SERF2: variants seen among roughly 807,000 people sequenced by gnomAD.
The protein encoded by SERF2 is gastric cancer-related protein VRG107.
Under a neutral mutation model 10.7 loss-of-function variants are expected in SERF2, and 4 were observed. The ratio of observed to expected loss-of-function variants is 0.37; its 90% confidence interval spans 0.18 to 0.86. SERF2 has a LOEUF of 0.86. SERF2 is among the 40% of genes least tolerant of loss of function. The pLI, the probability that SERF2 is intolerant of heterozygous loss-of-function variation, is 0.43. For missense variants in SERF2, 47 were observed against 79.1 expected, an observed-to-expected ratio of 0.59 and a Z score of 1.54; for synonymous variants, 26 against 26.0, an observed-to-expected ratio of 1.00 and a Z score of 0.01.
upstream of SERF2, chr15:43,792,231 T>C: frequency 1.3e-6 from 1 of 741,674 alleles, no homozygotes; most frequent in Non-Finnish European, 2.4e-6. Flanking sequence ...ACGTGCTTTT[T>C]CTTGTCCAAT....
Position 43,795,541 on chromosome 15 carries a change from C to T in SERF2, c.*1768C>T, listed in dbSNP as rs1442091322. 4 of 1,614,136 alleles carry T rather than the reference C, an allele frequency of 2.5e-6. No individual in the cohort carries two copies. Among genetic ancestry groups the T allele is most frequent in the South Asian group, 1.1e-5 (1 of 91,074 alleles). On this transcript the variant is annotated 3_prime_UTR_variant, in exon 3 of 3. Coordinates refer to ENST00000249786, the MANE Select transcript of SERF2 (RefSeq NM_001018108.4). ...TGGCCTCGCAGCCCCACCCCTTTGC[C>T]CTGGAGAGAGGAAATGGCTGCTGGG...
chr15:43,790,825 G>A (rs188753876), upstream of SERF2, among the ~76,000 whole-genome samples: 1 of 149,390 alleles, frequency 6.7e-6, no homozygotes, highest in Non-Finnish European at 1.5e-5. Context: ...GGGCAGTGGC[G>A]TGATCTCGGC....
At chr15:43,793,600 T>C (rs1253946996) in intron 2 of SERF2, 110 bp from the exon 3 acceptor site, 4 of 1,593,800 alleles carry the variant, frequency 2.5e-6, no homozygotes, top group South Asian at 2.3e-5. Flanking sequence ...AGCCAAACGC[T>C]GAACTTAGTC....
chr15:43,786,218 A>T (rs956942522), intron 2 of SERF2, among the ~76,000 whole-genome samples: 3 of 151,574 alleles, frequency 2.0e-5, no homozygotes, highest in Non-Finnish European at 4.4e-5. Context: ...GGTCGAGACC[A>T]TCCTGACTAA....
chr15:43,791,004 G>A (rs1295498400), upstream of SERF2, among the ~76,000 whole-genome samples: 3 of 150,634 alleles, frequency 2.0e-5, no homozygotes, highest in Admixed American at 2.0e-4. Context: ...TCCTGACCTC[G>A]TGATCCACCC....
chr15:43,790,268 C>G (rs960915448), upstream of SERF2, among the ~76,000 whole-genome samples: 13 of 151,714 alleles, frequency 8.6e-5, no homozygotes, highest in Admixed American at 7.2e-4. Flanking sequence ...CGAGAGCATA[C>G]CACTCCAGCC....
At chr15:43,782,955 G>A (rs181761148) in intron 1 of SERF2, among the ~76,000 whole-genome samples, 142 of 145,470 alleles carry the variant, frequency 9.8e-4, no homozygotes, top group African/African-American at 3.6e-3. Flanking sequence ...AGCAATTCTC[G>A]TGCCTCAGCC....
At chr15:43,789,079 G>A (rs2087031317), upstream of SERF2, among the ~76,000 whole-genome samples, 1 of 151,866 alleles carries the variant, frequency 6.6e-6, no homozygotes, top group Non-Finnish European at 1.5e-5. Flanking sequence ...AACCCGGGAG[G>A]CGGAGCTTGC....
upstream of SERF2, among the ~76,000 whole-genome samples, chr15:43,788,940 G>A (rs1362040944): frequency 6.6e-6 from 1 of 152,040 alleles, no homozygotes; most frequent in Non-Finnish European, 1.5e-5. Context: ...ACAAGGTCAG[G>A]AGATCGAGAC....
intron 1 of SERF2, chr15:43,792,711 C>T: frequency 1.9e-6 from 2 of 1,048,178 alleles, no homozygotes; most frequent in East Asian, 2.7e-5. Flanking sequence ...CACACCTTGC[C>T]AGCTGTTTGG....
chr15:43,792,853 G>A, intron 1 of SERF2, 122 bp from the exon 2 acceptor site: 1 of 767,844 alleles, frequency 1.3e-6, no homozygotes. Context: ...TCGATGGGCC[G>A]TTGTCGGGGC....
At position 43,795,372 on chromosome 15, in the gene SERF2, GC is replaced by G; in HGVS notation, c.*1602del. ...CTAGCTCTTCAGGAGAGTATCTAAGGCCCACTCCATCTTACCTGAACCAGTT... is the reference window on the plus strand; with the variant it reads ...CTAGCTCTTCAGGAGAGTATCTAAGGCCACTCCATCTTACCTGAACCAGTT... On this transcript the variant is annotated 3_prime_UTR_variant, in exon 3 of 3. Coordinates refer to ENST00000249786, the MANE Select transcript of SERF2 (RefSeq NM_001018108.4). 1 of 1,613,764 alleles carries G rather than the reference GC, an allele frequency of 6.2e-7. No individual in the cohort carries two copies. The highest frequency in any genetic ancestry group is 8.5e-7 in the Non-Finnish European group (1 of 1,179,668).
rs963310915 is a variant in SERF2 at position 43,794,016 on chromosome 15, C to T, written c.*243C>T. 4 of 1,447,870 alleles carry T rather than the reference C, an allele frequency of 2.8e-6. No homozygotes were observed. In the African/African-American group the frequency reaches 5.7e-5, roughly 21 times the overall value. 89.7% of individuals were successfully genotyped at this position (1,447,870 alleles called of 1,614,324 possible). Reference sequence around the variant, plus strand: ...GTGTTTTTTATTCCTGTGGGGCTCACCCCAAAGTATTAAAAGTAGCTTTGT... The same window carrying T: ...GTGTTTTTTATTCCTGTGGGGCTCATCCCAAAGTATTAAAAGTAGCTTTGT... On this transcript the variant is annotated 3_prime_UTR_variant, in exon 3 of 3. Transcript: ENST00000249786.
At chr15:43,778,764 T>G (rs1398554927) in intron 1 of SERF2, among the ~76,000 whole-genome samples, 4 of 151,722 alleles carry the variant, frequency 2.6e-5, no homozygotes, top group African/African-American at 9.7e-5. Context: ...TAACCAGGTG[T>G]GGTGGCGCAC....
upstream of SERF2, among the ~76,000 whole-genome samples, chr15:43,788,103 G>A (rs1176702440): frequency 2.0e-5 from 3 of 152,088 alleles, no homozygotes; most frequent in African/African-American, 7.2e-5. Flanking sequence ...TTGAACTCCT[G>A]ACCTCAAGAG....
At chr15:43,790,111 C>T (rs1419456147), upstream of SERF2, among the ~76,000 whole-genome samples, 5 of 147,212 alleles carry the variant, frequency 3.4e-5, 1 homozygote, top group Non-Finnish European at 4.5e-5. Flanking sequence ...CACTGTACTC[C>T]AACCTGGGCG....
At chr15:43,778,946 G>A (rs117320338) in intron 1 of SERF2, among the ~76,000 whole-genome samples, 17 of 152,260 alleles carry the variant, frequency 1.1e-4, no homozygotes, top group African/African-American at 1.7e-4. Flanking sequence ...AGAAATGGGA[G>A]TCATGGTGGA....
In SERF2 at chr15:43,795,081, G is replaced by T. The variant is rs919669117; in HGVS notation, c.*1308G>T. ...AGATAAGGGGCTGGGGTTTCTGGGT[G>T]GGGGGCCAACAGAGTGGTGCCAGTA... On this transcript the variant is annotated 3_prime_UTR_variant, in exon 3 of 3. Coordinates refer to ENST00000249786, the MANE Select transcript of SERF2 (RefSeq NM_001018108.4). 3.1e-6 allele frequency: 5 copies of T among 1,613,502 alleles called. No individual in the cohort carries two copies. The highest frequency in any genetic ancestry group is 4.2e-6 in the Non-Finnish European group (5 of 1,179,930).
At chr15:43,792,036 T>C (rs2087069448), upstream of SERF2, 2 of 481,810 alleles carry the variant, frequency 4.2e-6, no homozygotes, top group East Asian at 7.4e-5. Context: ...GGTCACGTGC[T>C]CGAGCCCGCG....
Sources: allele counts gnomAD v4.1 joint callset (sites outside exome capture counted in the v4.1 genomes callset), GRCh38; gene constraint gnomAD v4.1.1; transcripts MANE v1.5; gene names NCBI Gene and HGNC (gene_info 2026-07-23, HGNC 2026-07-21).